The following TPD52L1 variants were observed in gnomAD, a reference collection of about 807,000 sequenced individuals.
TPD52L1 encodes tumor protein D53.
TPD52L1 carries 18 observed loss-of-function variants against 28.7 expected under a neutral mutation model. That is an observed-to-expected ratio of 0.63 (90% CI 0.43 to 0.93). The LOEUF is 0.93. Among genes scored for constraint, TPD52L1 ranks in the 40% least tolerant of loss-of-function variants. TPD52L1 has a pLI of 0.00. For missense variants in TPD52L1, 203 were observed against 254.8 expected, an observed-to-expected ratio of 0.80 and a Z score of 1.39; for synonymous variants, 75 against 88.8, an observed-to-expected ratio of 0.84 and a Z score of 0.88.
intron 1 of TPD52L1, among the ~76,000 whole-genome samples, chr6:125,155,820 C>A (rs112947434): frequency 2.6e-5 from 4 of 152,232 alleles, no homozygotes; most frequent in Middle Eastern, 3.4e-3. Flanking sequence ...ATTTCCTGTG[C>A]GCAGCAGTCC....
intron 1 of TPD52L1, among the ~76,000 whole-genome samples, chr6:125,172,607 ATATATATAAT>A (rs1791565398): frequency 8.1e-6 from 1 of 123,248 alleles, no homozygotes; most frequent in Admixed American, 9.2e-5. Flanking sequence ...ATATATATAA[ATATATATAAT>A]TATATATATA....
intron 3 of TPD52L1, among the ~76,000 whole-genome samples, chr6:125,247,064 A>C (rs1381975282): frequency 6.6e-6 from 1 of 152,084 alleles, no homozygotes; most frequent in African/African-American, 2.4e-5. Context: ...ATATTTGAAA[A>C]TATTCACTAG....
At chr6:125,239,278 G>A (rs1796474683) in intron 3 of TPD52L1, among the ~76,000 whole-genome samples, 1 of 152,076 alleles carries the variant, frequency 6.6e-6, no homozygotes, top group South Asian at 2.1e-4. Context: ...CTGCTTTTGA[G>A]AATTGTCTAT....
intron 1 of TPD52L1, among the ~76,000 whole-genome samples, chr6:125,214,853 T>G (rs1397915031): frequency 6.6e-6 from 1 of 152,204 alleles, no homozygotes; most frequent in Admixed American, 6.5e-5. Flanking sequence ...TTAACATCAT[T>G]TAACCTTAGC....
At chr6:125,198,418 G>C (rs528597767) in intron 1 of TPD52L1, among the ~76,000 whole-genome samples, 21 of 152,124 alleles carry the variant, frequency 1.4e-4, no homozygotes, top group Non-Finnish European at 2.8e-4. Context: ...GTTATACCCA[G>C]TTCTATCCCT....
chr6:125,197,003 C>T (rs544386761), intron 1 of TPD52L1, among the ~76,000 whole-genome samples: 10 of 152,216 alleles, frequency 6.6e-5, no homozygotes, highest in Non-Finnish European at 1.5e-4. Flanking sequence ...ATAATCATGT[C>T]CTGAATCTCC....
chr6:125,233,120 C>T (rs1796048963), intron 3 of TPD52L1, among the ~76,000 whole-genome samples: 1 of 152,066 alleles, frequency 6.6e-6, no homozygotes, highest in South Asian at 2.1e-4. Context: ...TGAAATCCCC[C>T]CACTAATAAA....
At chr6:125,155,392 G>C (rs1486923388) in intron 1 of TPD52L1, among the ~76,000 whole-genome samples, 4 of 152,214 alleles carry the variant, frequency 2.6e-5, no homozygotes, top group African/African-American at 9.7e-5. Flanking sequence ...GCTTATATTA[G>C]TGAGGATGGA....
chr6:125,192,009 C>A (rs1294384730), intron 1 of TPD52L1, among the ~76,000 whole-genome samples: 1 of 152,140 alleles, frequency 6.6e-6, no homozygotes, highest in Non-Finnish European at 1.5e-5. Context: ...AAATAGTCAC[C>A]AGCTTTCACG....
In TPD52L1 at chr6:125,164,925, C is replaced by T. The variant is rs183684734; in HGVS notation, c.19+10955C>T. 3.7e-3 allele frequency among the ~76,000 whole-genome samples: 557 copies of T among 151,834 alleles called. 3 individuals carry two copies. The highest frequency in any genetic ancestry group is 0.013 in the African/African-American group (537 of 41,248). On this transcript the variant is annotated intron_variant, in intron 1 of 6. Coordinates refer to ENST00000534000, the MANE Select transcript of TPD52L1 (RefSeq NM_003287.4). Reference sequence around the variant, plus strand: ...TACTTCTGTTGCGAAATGTCCCCAACAACACCGTAAAGCCAGTCACTTCTT... The same window carrying T: ...TACTTCTGTTGCGAAATGTCCCCAATAACACCGTAAAGCCAGTCACTTCTT...
chr6:125,182,557 G>T (rs1290677838), intron 1 of TPD52L1, among the ~76,000 whole-genome samples: 2 of 152,134 alleles, frequency 1.3e-5, no homozygotes, highest in Non-Finnish European at 2.9e-5. Flanking sequence ...ATTGGGTACA[G>T]CTTCTTAAAG....
At chr6:125,255,618 A>G (rs1384017609) in intron 5 of TPD52L1, among the ~76,000 whole-genome samples, 1 of 152,106 alleles carries the variant, frequency 6.6e-6, no homozygotes. Context: ...ATAAACATCT[A>G]TGTTCATTGC....
intron 1 of TPD52L1, among the ~76,000 whole-genome samples, chr6:125,191,061 T>C (rs202215808): frequency 6.6e-6 from 1 of 152,218 alleles, no homozygotes; most frequent in East Asian, 1.9e-4. Flanking sequence ...TTGTATATCG[T>C]GTAACATTAT....
intron 1 of TPD52L1, among the ~76,000 whole-genome samples, chr6:125,158,650 C>A (rs769604683): frequency 1.3e-5 from 2 of 152,050 alleles, no homozygotes; most frequent in Non-Finnish European, 2.9e-5. Flanking sequence ...ATTGATATTG[C>A]ATGGAAGATA....
intron 1 of TPD52L1, among the ~76,000 whole-genome samples, chr6:125,201,122 G>T (rs1054142255): frequency 6.6e-6 from 1 of 152,172 alleles, no homozygotes; most frequent in African/African-American, 2.4e-5. Context: ...GCAAAGCAAG[G>T]TACCAAAGAG....
In TPD52L1 at chr6:125,263,043, C is replaced by T. The variant is rs901174653; in HGVS notation, c.*81C>T. The stretch of plus-strand genomic sequence containing the variant: ...CCTGTGCTTATCCAGATAAGAAGAC[C>T]AAAATCCCGCTGGGAAAAACCCAGG... On this transcript the variant is annotated 3_prime_UTR_variant, in exon 7 of 7. Coordinates refer to ENST00000534000, the MANE Select transcript of TPD52L1 (RefSeq NM_003287.4). 115 of 1,451,510 alleles carry T rather than the reference C, an allele frequency of 7.9e-5. No individual in the cohort carries two copies. The highest frequency in any genetic ancestry group is 1.0e-4 in the Non-Finnish European group (113 of 1,100,052). The allele number at this position is 1,451,510 out of a possible 1,614,324, so 89.9% of individuals were successfully genotyped here. A position where few individuals can be genotyped will look rare whatever the true frequency, so the allele number is the denominator to read the frequency against.
intron 3 of TPD52L1, among the ~76,000 whole-genome samples, chr6:125,230,573 T>A (rs1181276757): frequency 1.3e-5 from 2 of 152,252 alleles, no homozygotes; most frequent in African/African-American, 4.8e-5. Flanking sequence ...TTATTTCAGT[T>A]TTGCCAGCAG....
At chr6:125,229,412 G>A (rs191277924) in intron 3 of TPD52L1, 146 bp downstream of exon 3, 2 of 761,048 alleles carry the variant, frequency 2.6e-6, no homozygotes, top group East Asian at 3.0e-5. Flanking sequence ...GCAAAGAAAT[G>A]TGAATAATCA....
intron 1 of TPD52L1, among the ~76,000 whole-genome samples, chr6:125,204,671 G>T (rs1265415779): frequency 6.6e-6 from 1 of 152,032 alleles, no homozygotes; most frequent in Non-Finnish European, 1.5e-5. Context: ...AATAGAGACG[G>T]GGTTTCACCG....
Sources: gnomAD v4.1 joint callset for allele counts (sites outside exome capture counted in the v4.1 genomes callset) on GRCh38, gnomAD v4.1.1 for gene constraint, MANE v1.5 for transcripts, NCBI Gene and HGNC (gene_info 2026-07-23, HGNC 2026-07-21) for gene names.